Variants in B9D1 observed in about 807,000 individuals in gnomAD.
B9D1 encodes the protein B9 domain-containing protein 1.
Under a neutral mutation model 26.1 loss-of-function variants are expected in B9D1, and 20 were observed. The observed-to-expected ratio is 0.77, with a 90% CI of 0.54 to 1.12. The LOEUF is 1.12. Ranked by LOEUF, B9D1 falls within the 50% of genes most tolerant of loss-of-function variation. The probability of loss-of-function intolerance (pLI) is 0.00; values close to 1 mark genes in which losing one functional copy is unlikely to be tolerated. For synonymous variants in B9D1, 105 were observed against 103.1 expected (o/e 1.02, Z -0.11); for missense variants, 260 against 273.7 (o/e 0.95, Z 0.35).
chr17:19,362,022 C>T (rs1911143702), intron 1 of B9D1, among the ~76,000 whole-genome samples: 1 of 152,102 alleles, frequency 6.6e-6, no homozygotes, highest in Non-Finnish European at 1.5e-5. Context: ...GAATAGCGTC[C>T]CTCGGGCCTA....
chr17:19,367,088 G>A (rs1819408052), upstream of B9D1, among the ~76,000 whole-genome samples: 1 of 152,158 alleles, frequency 6.6e-6, no homozygotes, highest in African/African-American at 2.4e-5. Flanking sequence ...GGGCATACAT[G>A]CTTCAGAAGG....
rs1045948664 is a variant in B9D1 at position 19,372,936 on chromosome 17, G to A, written c.-298+4923C>T. 3.3e-5 allele frequency among the ~76,000 whole-genome samples: 5 copies of A among 152,142 alleles called. No individual in the cohort carries two copies. The highest frequency in any genetic ancestry group is 1.9e-4 in the East Asian group (1 of 5,196). On this transcript the variant is annotated intron_variant, in intron 1 of 5. Coordinates refer to the B9D1 transcript ENST00000477478. This position sits in a 1 kb window ranked among gnomAD's most constrained non-coding sequence, Gnocchi z 4.4. ...ACATCTATTATTTCTGCTGACCCAC[G>A]TCCATCCACCTTCCTGAAAACTCAG...
At chr17:19,341,338 T>C (rs1598041139), downstream of B9D1, 50 of 1,231,300 alleles carry the variant, frequency 4.1e-5, no homozygotes, top group East Asian at 1.6e-3. Context: ...TGTGATAAAA[T>C]GGGGCAGAGG....
intron 3 of B9D1, among the ~76,000 whole-genome samples, chr17:19,351,911 G>C (rs1310292296): frequency 6.6e-6 from 1 of 151,884 alleles, no homozygotes; most frequent in Non-Finnish European, 1.5e-5. Flanking sequence ...TTAGAGATAG[G>C]GTCTAGCGCT....
In B9D1 at chr17:19,347,229, G is replaced by A. The variant is rs773730147; in HGVS notation, c.404+40C>T. 4.3e-6 allele frequency: 7 copies of A among 1,614,110 alleles called. No individual in the cohort carries two copies. In the East Asian group the frequency reaches 6.7e-5, roughly 15 times the overall value. ...GTAGAATGGGACATCCATTCATCCA[G>A]TAGATCAGGAGGGGCTGGGGTTATG... is the stretch of plus-strand genomic sequence containing the variant. On this transcript the variant is annotated intron_variant, in intron 5 of 6. Transcript: ENST00000261499. The surrounding 1 kb of genome is among the most constrained non-coding windows in gnomAD (Gnocchi z 4.3).
intron 3 of B9D1, among the ~76,000 whole-genome samples, chr17:19,356,732 C>T (rs988350275): frequency 2.0e-5 from 3 of 152,220 alleles, no homozygotes; most frequent in African/African-American, 4.8e-5. Flanking sequence ...GGTAACCTCT[C>T]TGGATTTCTG....
At chr17:19,367,059 C>T (rs1381849179), upstream of B9D1, among the ~76,000 whole-genome samples, 1 of 152,124 alleles carries the variant, frequency 6.6e-6, no homozygotes, top group Non-Finnish European at 1.5e-5. Context: ...AGAGCCAGGG[C>T]ATGTATAGCA....
upstream of B9D1, among the ~76,000 whole-genome samples, chr17:19,366,753 G>A (rs1484055368): frequency 1.3e-5 from 2 of 152,208 alleles, no homozygotes; most frequent in Non-Finnish European, 2.9e-5. Context: ...TGCTTGAAAT[G>A]CCTGGTGCAG....
chr17:19,355,528 T>TAAAA (rs368938633), intron 3 of B9D1, among the ~76,000 whole-genome samples: 1 of 138,062 alleles, frequency 7.2e-6, no homozygotes, highest in Non-Finnish European at 1.5e-5. Flanking sequence ...TGTCTGCAAT[T>TAAAA]AAAAAAAAAA....
At chr17:19,362,853 A>C (rs1468238588), upstream of B9D1, 2 of 713,282 alleles carry the variant, frequency 2.8e-6, no homozygotes, top group Non-Finnish European at 4.5e-6. Flanking sequence ...CTGTCGGGTA[A>C]AGCCAGCCCT....
chr17:19,347,061 G>C lies in B9D1; in HGVS notation c.404+208C>G. 1 of 1,550,356 alleles carries C rather than the reference G, an allele frequency of 6.5e-7. No individual in the cohort carries two copies. The highest frequency in any genetic ancestry group is 8.7e-7 in the Non-Finnish European group (1 of 1,147,264). ...ACAAAGATTTTTCACAGGGCACAGG[G>C]TAAAATCGCCCGGCCTTCTGCTGCT... On this transcript the variant is annotated intron_variant, in intron 5 of 6. Coordinates refer to ENST00000261499, the MANE Select transcript of B9D1 (RefSeq NM_015681.6). The surrounding 1 kb of genome is among the most constrained non-coding windows in gnomAD (Gnocchi z 4.3).
chr17:19,360,222 C>T, intron 2 of B9D1, 98 bp downstream of exon 2: 1 of 1,174,600 alleles, frequency 8.5e-7, no homozygotes, highest in East Asian at 2.3e-5. Flanking sequence ...CAGTCTCTAC[C>T]TCTTAACTTG....
chr17:19,357,381 C>T (rs531777935), intron 3 of B9D1, among the ~76,000 whole-genome samples: 74 of 152,264 alleles, frequency 4.9e-4, no homozygotes, highest in Non-Finnish European at 8.4e-4. Flanking sequence ...AGACATAGGA[C>T]GTGGGAATGG....
chr17:19,345,730 TTG>T (rs1908680000), intron 5 of B9D1, among the ~76,000 whole-genome samples: 1 of 152,160 alleles, frequency 6.6e-6, no homozygotes, highest in African/African-American at 2.4e-5. Context: ...GCTATCACAT[TTG>T]TGTGTTTTGT....
At chr17:19,349,146 T>C (rs562579880) in intron 3 of B9D1, among the ~76,000 whole-genome samples, 7 of 152,358 alleles carry the variant, frequency 4.6e-5, no homozygotes, top group East Asian at 1.9e-4. Flanking sequence ...CCTGCTCCTC[T>C]GTACCTCACG....
chr17:19,343,937 C>T (rs1908341932), intron 5 of B9D1, 80 bp from the exon 6 acceptor site: 16 of 1,597,020 alleles, frequency 1.0e-5, no homozygotes, highest in Non-Finnish European at 1.4e-5. Flanking sequence ...TGTGGGCTCT[C>T]CTCGGTTCAG....
At chr17:19,371,119 G>GA (rs1484069799) in intron 1 of B9D1, 1 of 152,430 alleles carries the variant, frequency 6.6e-6, no homozygotes, top group Admixed American at 6.5e-5. Context: ...CCTGGCCACT[G>GA]TGTGTGCTGA....
intron 1 of B9D1, among the ~76,000 whole-genome samples, chr17:19,373,909 C>T (rs1173197295): frequency 2.6e-5 from 4 of 152,222 alleles, no homozygotes; most frequent in Non-Finnish European, 5.9e-5. Flanking sequence ...TTCAGGAAGG[C>T]AGCTCTGAAG....
At chr17:19,341,846 A>G (rs1354619901), downstream of B9D1, among the ~76,000 whole-genome samples, 2 of 152,148 alleles carry the variant, frequency 1.3e-5, no homozygotes, top group African/African-American at 4.8e-5. Flanking sequence ...AGAGTTCTAA[A>G]CTGGGCTGGG....
Sources: gnomAD v4.1 joint callset for allele counts (sites outside exome capture counted in the v4.1 genomes callset) on GRCh38, gnomAD v4.1.1 for gene constraint, Gnocchi (gnomAD v3.1) non-coding constraint, MANE v1.5 for transcripts, NCBI Gene and HGNC (gene_info 2026-07-23, HGNC 2026-07-21) for gene names.